The following RREB1 variants were observed in gnomAD, a reference collection of about 807,000 sequenced individuals.
RREB1 encodes ras responsive element binding protein 1, also known as ras-responsive element-binding protein 1.
In RREB1, 27 loss-of-function variants were observed where a neutral mutation model predicts 117.8. The ratio of observed to expected loss-of-function variants is 0.23; its 90% CI spans 0.17 to 0.32. The LOEUF (loss-of-function observed/expected upper bound fraction) is 0.32. Among genes scored for constraint, RREB1 ranks in the 10% least tolerant of loss-of-function variants. The probability of loss-of-function intolerance (pLI) is 1.00; values close to 1 mark genes in which losing one functional copy is unlikely to be tolerated. For synonymous variants in RREB1, 1,298 were observed against 1,026.7 expected (o/e 1.26, Z -5.05); for missense variants, 2,577 against 2,378.2 (o/e 1.08, Z -1.74).
chr6:7,215,150 G>A (rs1208066464), intron 8 of RREB1: 1 of 152,470 alleles, frequency 6.6e-6, no homozygotes, highest in Non-Finnish European at 1.5e-5. Context: ...CAAGAGAGCA[G>A]GCGGCTACAC....
In RREB1 at chr6:7,229,571, A is replaced by G. The variant is rs778250918; in HGVS notation, c.1472A>G (p.Lys491Arg). The G allele has an allele frequency of 6.2e-7, 1 of 1,612,360 alleles. No homozygotes were observed. The highest frequency in any genetic ancestry group is 1.7e-5 in the Admixed American group (1 of 59,958). ...CAGATCAGTCTTCCGCCCTTCTCCA[A>G]GGCCCCTGCCGCCCCACTGCAGGCG... ...PPQISLPPFS[K>R]APAAPLQAIF... Residue 491 changes from lysine (K) to arginine (R), a missense_variant, in exon 10 of 13, where the codon AAG becomes AGG. By Grantham distance (26) the Lys-to-Arg change is conservative. Coordinates refer to ENST00000379938, the MANE Select transcript of RREB1 (RefSeq NM_001003699.4). This position sits in a 1 kb window ranked among gnomAD's most constrained non-coding sequence, Gnocchi z 4.5.
At chr6:7,239,426 T>G (rs9505091) in intron 10 of RREB1, among the ~76,000 whole-genome samples, 11,552 of 152,236 alleles carry the variant, frequency 0.076, 1,479 homozygotes, top group African/African-American at 0.26. Flanking sequence ...CCTCTCCACC[T>G]CCTTTTTCCC....
rs1401090079 is a variant in RREB1 at position 7,211,622 on chromosome 6, T to G, written c.620T>G (p.Val207Gly). Residue 207 changes from valine (V) to glycine (G), a missense_variant, in exon 8 of 13, where the codon GTC becomes GGC. Transcript: ENST00000379938. ...SGDLEKKADE[V>G]FHCPVCFKEF... ...GACTTGGAGAAGAAAGCTGATGAAG[T>G]CTTTCACTGCCCAGTATGTTTCAAG... 1 of 1,613,982 alleles carries G rather than the reference T, an allele frequency of 6.2e-7. No individual in the cohort carries two copies. Among genetic ancestry groups the G allele is most frequent in the East Asian group, 2.2e-5 (1 of 44,882 alleles).
chr6:7,217,989 A>C (rs1025632547), intron 8 of RREB1: 17 of 152,162 alleles, frequency 1.1e-4, no homozygotes, highest in Non-Finnish European at 2.2e-4. Context: ...GTGGCTCTTT[A>C]AATTTGGTTT....
At chr6:7,218,250 A>T (rs536631890) in intron 8 of RREB1, 2 of 152,312 alleles carry the variant, frequency 1.3e-5, no homozygotes, top group East Asian at 1.9e-4. Flanking sequence ...GAGGTCAGAT[A>T]TCTGTCCCTC....
intron 1 of RREB1, among the ~76,000 whole-genome samples, chr6:7,141,066 G>C (rs921951550): frequency 6.6e-6 from 1 of 152,222 alleles, no homozygotes; most frequent in Non-Finnish European, 1.5e-5. Flanking sequence ...GTCTGTCTGT[G>C]CCCTCCTCAG....
chr6:7,247,275 C>T, intron 12 of RREB1, 54 bp downstream of exon 12: 1 of 1,525,528 alleles, frequency 6.6e-7, no homozygotes, highest in Non-Finnish European at 8.9e-7. Flanking sequence ...AGCCGGGCAC[C>T]TCTCCTAGGA....
chr6:7,151,936 A>G (rs1364797786), intron 1 of RREB1, among the ~76,000 whole-genome samples: 1 of 152,268 alleles, frequency 6.6e-6, no homozygotes, highest in Non-Finnish European at 1.5e-5. Flanking sequence ...AAATAAACCA[A>G]GCAAGTGAAA....
At chr6:7,137,577 T>C (rs562361032) in intron 1 of RREB1, among the ~76,000 whole-genome samples, 4 of 152,358 alleles carry the variant, frequency 2.6e-5, no homozygotes, top group East Asian at 1.9e-4. Flanking sequence ...TGTTGATGAA[T>C]TGAAACTAGC....
chr6:7,153,246 T>TTAA (rs556613013), intron 1 of RREB1, among the ~76,000 whole-genome samples: 21 of 151,680 alleles, frequency 1.4e-4, no homozygotes, highest in Non-Finnish European at 1.3e-4. Context: ...TATTTTTTTT[T>TTAA]AAAAAAAGTA....
At chr6:7,242,706 G>GGT (rs1554128721) in intron 11 of RREB1, among the ~76,000 whole-genome samples, 27 of 151,298 alleles carry the variant, frequency 1.8e-4, no homozygotes, top group African/African-American at 6.3e-4. Context: ...AAAAAGGGGG[G>GGT]GGGGGAAGGA....
chr6:7,202,826 GC>G (rs1766059971), intron 6 of RREB1, among the ~76,000 whole-genome samples: 1 of 152,184 alleles, frequency 6.6e-6, no homozygotes. Flanking sequence ...GAAGGTCCTA[GC>G]TGGCCGATTA....
intron 6 of RREB1, among the ~76,000 whole-genome samples, chr6:7,191,871 A>G (rs114822034): frequency 5.1e-4 from 78 of 152,186 alleles, no homozygotes; most frequent in African/African-American, 1.7e-3. Flanking sequence ...CATGTCTGTT[A>G]TTCATTTTCT....
chr6:7,189,338 C>T lies in RREB1; in HGVS notation c.425+16C>T. 2.6e-6 allele frequency: 4 copies of T among 1,556,584 alleles called. No homozygotes were observed. The highest frequency in any genetic ancestry group is 3.5e-6 in the Non-Finnish European group (4 of 1,147,678). On this transcript the variant is annotated intron_variant, in intron 6 of 12. Transcript: ENST00000379938. ...ACATGCACAGGTGGGTGAGGGCGCC[C>T]TTTGCTTGGGGGGTTGGCTGGTACT...
chr6:7,218,756 C>T (rs1387620836), intron 8 of RREB1: 2 of 149,566 alleles, frequency 1.3e-5, no homozygotes, highest in East Asian at 3.9e-4. Context: ...AATGTCCATA[C>T]CATAACAACA....
At chr6:7,123,759 C>T (rs1198231348) in intron 1 of RREB1, among the ~76,000 whole-genome samples, 2 of 148,942 alleles carry the variant, frequency 1.3e-5, no homozygotes, top group Non-Finnish European at 3.0e-5. Context: ...TACAGGCGCC[C>T]GCCACCACGC....
rs115191955 is a variant in RREB1 at position 7,246,468 on chromosome 6, C to G, written c.4018C>G (p.Leu1340Val). The change falls in exon 12 of 13, where the codon CTA (leucine) becomes GTA (valine). Residue 1340 changes from leucine (L) to valine (V), a missense_variant. Coordinates refer to ENST00000379938, the MANE Select transcript of RREB1 (RefSeq NM_001003699.4). ...AETAAAAGEV[L>V]DLTSRDREQP... ...GACTGCAGCCGCCGCGGGCGAAGTG[C>G]TAGACCTCACCTCACGGGACAGAGA... is the stretch of plus-strand genomic sequence containing the variant. 7.5e-5 allele frequency: 115 copies of G among 1,534,118 alleles called. 1 individual carries two copies. In the East Asian group the frequency reaches 2.7e-3, roughly 35 times the overall value.
At chr6:7,173,401 G>A (rs531182998) in intron 1 of RREB1, among the ~76,000 whole-genome samples, 6 of 151,824 alleles carry the variant, frequency 4.0e-5, no homozygotes, top group African/African-American at 1.4e-4. Context: ...GCTGAGGTAG[G>A]AGAATCACTT....
intron 1 of RREB1, among the ~76,000 whole-genome samples, chr6:7,154,425 C>G (rs1368674537): frequency 6.6e-6 from 1 of 152,204 alleles, no homozygotes; most frequent in Non-Finnish European, 1.5e-5. Context: ...CTGTTGAACT[C>G]ATCACTGGGG....
Sources: allele counts gnomAD v4.1 joint callset (sites outside exome capture counted in the v4.1 genomes callset), GRCh38; gene constraint gnomAD v4.1.1; non-coding constraint Gnocchi (gnomAD v3.1); transcripts MANE v1.5; gene names NCBI Gene and HGNC (gene_info 2026-07-23, HGNC 2026-07-21).